Variants in MSANTD5 observed in about 807,000 individuals in gnomAD.
MSANTD5 encodes uncharacterized protein MSANTD5.
exon 1 of MSANTD5, chr5:178,697,678 A>T (rs1765434089): frequency 6.6e-6 from 1 of 151,766 alleles, no homozygotes; most frequent in Non-Finnish European, 1.5e-5. Context: ...ACTGGCACTT[A>T]CTCTCCTCTA....
downstream of MSANTD5, among the ~76,000 whole-genome samples, chr5:178,692,987 T>C (rs74694918): frequency 0.027 from 4,072 of 152,056 alleles, 90 homozygotes; most frequent in Non-Finnish European, 0.043. Context: ...TGTAGAACTA[T>C]AATTATCTCA....
At chr5:178,691,846 C>T (rs1765360273), downstream of MSANTD5, among the ~76,000 whole-genome samples, 1 of 135,780 alleles carries the variant, frequency 7.4e-6, no homozygotes, top group Non-Finnish European at 1.7e-5. Flanking sequence ...TAGATATCAC[C>T]GCTTTGTCAT....
chr5:178,700,177 C>T (rs1215057490), upstream of MSANTD5, among the ~76,000 whole-genome samples: 2 of 152,126 alleles, frequency 1.3e-5, no homozygotes, highest in Non-Finnish European at 2.9e-5. Context: ...CCCTGGCACT[C>T]CTCACAGGTG....
the MSANTD5 span, among the ~76,000 whole-genome samples, chr5:178,703,243 T>C: frequency 6.6e-6 from 1 of 152,182 alleles, no homozygotes; most frequent in East Asian, 1.9e-4. Context: ...TGCACAGGTG[T>C]GCGGAGGGCG....
upstream of MSANTD5, among the ~76,000 whole-genome samples, chr5:178,701,709 A>G (rs1208485216): frequency 6.8e-6 from 1 of 147,428 alleles, no homozygotes; most frequent in Non-Finnish European, 1.5e-5. Flanking sequence ...AAATATATCT[A>G]TATATTATAT....
At chr5:178,705,765 G>A in the MSANTD5 span, among the ~76,000 whole-genome samples, 1 of 152,072 alleles carries the variant, frequency 6.6e-6, no homozygotes, top group Non-Finnish European at 1.5e-5. Context: ...AGACCATCCT[G>A]GCTAACACAG....
upstream of MSANTD5, among the ~76,000 whole-genome samples, chr5:178,699,797 A>G (rs1765456844): frequency 9.3e-6 from 1 of 108,026 alleles, no homozygotes; most frequent in Non-Finnish European, 2.1e-5. Context: ...GGTTACTTCC[A>G]TGGACAACAG....
At chr5:178,705,455 C>A in the MSANTD5 span, among the ~76,000 whole-genome samples, 2 of 151,882 alleles carry the variant, frequency 1.3e-5, no homozygotes, top group South Asian at 2.1e-4. Flanking sequence ...TCTTCCCCTG[C>A]AAAAAAGGAG....
Position 178,696,639 on chromosome 5 carries a change from C to T in MSANTD5, c.7-458G>A, listed in dbSNP as rs1346083405. 2.6e-5 allele frequency among the ~76,000 whole-genome samples: 4 copies of T among 152,114 alleles called. No individual in the cohort carries two copies. In the East Asian group the frequency reaches 5.8e-4, roughly 22 times the overall value. ...TGAAGGCAGGAAACAAGGGTTGGGGCTCCTGCAAGTACCCAGCTCAAACCC... is the reference window on the plus strand; with the variant it reads ...TGAAGGCAGGAAACAAGGGTTGGGGTTCCTGCAAGTACCCAGCTCAAACCC... On this transcript the variant is annotated intron_variant, in intron 1 of 3. Transcript: ENST00000648368.
upstream of MSANTD5, among the ~76,000 whole-genome samples, chr5:178,700,482 T>C (rs183552919): frequency 6.6e-5 from 10 of 152,220 alleles, no homozygotes; most frequent in East Asian, 1.9e-4. Flanking sequence ...CTTAAAGGAG[T>C]ATCACGGGCT....
chr5:178,693,713 T>C (rs1051766807), downstream of MSANTD5, among the ~76,000 whole-genome samples: 3 of 151,988 alleles, frequency 2.0e-5, no homozygotes, highest in Admixed American at 6.5e-5. Flanking sequence ...TGCTGATTGG[T>C]CTATTTTACA....
exon 1 of MSANTD5, chr5:178,697,673 C>G (rs1293309360): frequency 1.3e-5 from 2 of 152,134 alleles, no homozygotes; most frequent in Non-Finnish European, 2.9e-5. Flanking sequence ...GGAACACTGG[C>G]ACTTACTCTC....
chr5:178,691,651 A>G (rs1195038749), downstream of MSANTD5, among the ~76,000 whole-genome samples: 1 of 135,968 alleles, frequency 7.4e-6, no homozygotes, highest in Non-Finnish European at 1.7e-5. Flanking sequence ...CATATCCCAT[A>G]AAACGAATAT....
chr5:178,700,492 T>G (rs1004814848), upstream of MSANTD5, among the ~76,000 whole-genome samples: 1 of 152,144 alleles, frequency 6.6e-6, no homozygotes, highest in Non-Finnish European at 1.5e-5. Context: ...TATCACGGGC[T>G]TTGCCATGAA....
downstream of MSANTD5, among the ~76,000 whole-genome samples, chr5:178,692,856 T>C (rs1369818157): frequency 6.6e-6 from 1 of 151,934 alleles, no homozygotes; most frequent in African/African-American, 2.4e-5. Context: ...CTCTTGACTG[T>C]ATCGATGTCA....
chr5:178,695,824 G>A (rs1316426388), intron 2 of MSANTD5, among the ~76,000 whole-genome samples: 1 of 152,196 alleles, frequency 6.6e-6, no homozygotes, highest in African/African-American at 2.4e-5. Flanking sequence ...TCTTGCTCAA[G>A]TTCCTTAAAA....
chr5:178,698,698 G>A (rs1458415846), upstream of MSANTD5, among the ~76,000 whole-genome samples: 1 of 149,296 alleles, frequency 6.7e-6, no homozygotes, highest in Non-Finnish European at 1.5e-5. Flanking sequence ...TACTGCCTCA[G>A]CCTCGCAGGT....
chr5:178,702,592 C>A (rs181788097), upstream of MSANTD5, among the ~76,000 whole-genome samples: 401 of 146,336 alleles, frequency 2.7e-3, 1 homozygote, highest in South Asian at 3.7e-3. Context: ...AGCCACCGCA[C>A]CCAGCCAATT....
chr5:178,697,357 G>C (rs1271037686), intron 1 of MSANTD5, among the ~76,000 whole-genome samples: 1 of 152,064 alleles, frequency 6.6e-6, no homozygotes, highest in Non-Finnish European at 1.5e-5. Flanking sequence ...GGGAGGCTGA[G>C]GCAGGAGAAT....
Sources: allele counts gnomAD v4.1 joint callset (sites outside exome capture counted in the v4.1 genomes callset), GRCh38; gene constraint gnomAD v4.1.1; transcripts MANE v1.5; gene names NCBI Gene and HGNC (gene_info 2026-07-23, HGNC 2026-07-21).